Variants in LMBRD2 observed in about 807,000 individuals in gnomAD.
LMBRD2 encodes LMBR1 domain containing 2.
A neutral mutation model predicts 94.4 loss-of-function variants in LMBRD2; 55 were observed. The observed-to-expected ratio is 0.58, with a 90% CI of 0.47 to 0.73. LMBRD2 has a LOEUF of 0.73. LMBRD2 is among the 30% of genes least tolerant of loss of function. LMBRD2 has a pLI of 0.00. For missense variants in LMBRD2, 640 were observed against 831.9 expected (o/e 0.77, Z 2.84); for synonymous variants, 246 against 272.4 (o/e 0.90, Z 0.95).
Position 36,143,256 on chromosome 5 carries a change from T to A in LMBRD2, c.94A>T (p.Arg32Ter), listed in dbSNP as rs1744460664. The A allele has an allele frequency of 6.2e-7, 1 of 1,612,532 alleles. No homozygotes were observed. ...HRYGDFKKQHRLVIIGTLLAW... is the reference protein window; with the variant it reads ...HRYGDFKKQH ...AGCAGTGTTCCAATAATCACAAGTC[T>A]ATGCTGTTTCTTAAAGTCTCCATAT... The change falls in exon 2 of 18, where the codon AGA (arginine) becomes TGA (stop). Residue 32 changes from arginine (R) to a stop codon, truncating the protein, a stop_gained. Coordinates refer to ENST00000296603, the MANE Select transcript of LMBRD2 (RefSeq NM_001007527.2). LOFTEE classifies it high-confidence loss of function.
chr5:36,106,508 C>CTTTTTTTTTTT (rs201602814), intron 16 of LMBRD2, among the ~76,000 whole-genome samples: 1 of 132,868 alleles, frequency 7.5e-6, no homozygotes, highest in Non-Finnish European at 1.6e-5. Flanking sequence ...TTTTTTCTTT[C>CTTTTTTTTTTT]GTTTTTTTTT....
intron 6 of LMBRD2, among the ~76,000 whole-genome samples, chr5:36,127,411 A>G (rs1744032197): frequency 6.6e-6 from 1 of 152,204 alleles, no homozygotes. Flanking sequence ...CATAAAAACC[A>G]AAAAACAAGG....
intron 12 of LMBRD2, among the ~76,000 whole-genome samples, chr5:36,114,768 T>G (rs1743699047): frequency 6.6e-6 from 1 of 152,154 alleles, no homozygotes; most frequent in African/African-American, 2.4e-5. Context: ...AAAGTTAATA[T>G]TAGTATAGGT....
intron 13 of LMBRD2, among the ~76,000 whole-genome samples, chr5:36,112,365 T>C (rs532182533): frequency 2.0e-5 from 3 of 152,240 alleles, no homozygotes; most frequent in Admixed American, 2.0e-4. Flanking sequence ...TTGTCTGAAG[T>C]ATCAGGAAAC....
At chr5:36,126,045 G>A (rs958536637) in intron 6 of LMBRD2, among the ~76,000 whole-genome samples, 1 of 152,204 alleles carries the variant, frequency 6.6e-6, no homozygotes, top group Non-Finnish European at 1.5e-5. Context: ...CAGGCTGAAA[G>A]AGCAAGATCA....
At chr5:36,150,607 A>G (rs996133075) in intron 1 of LMBRD2, among the ~76,000 whole-genome samples, 1 of 152,218 alleles carries the variant, frequency 6.6e-6, no homozygotes, top group Non-Finnish European at 1.5e-5. Flanking sequence ...AAAGTAACAT[A>G]AAGGTCACTT....
At chr5:36,114,870 A>G (rs1454101303) in intron 12 of LMBRD2, 145 bp downstream of exon 12, 8 of 622,412 alleles carry the variant, frequency 1.3e-5, no homozygotes, top group Non-Finnish European at 2.2e-5. Context: ...TTATCTAGTC[A>G]ATAGTAATAC....
chr5:36,142,565 T>C lies in LMBRD2; in HGVS notation c.209A>G (p.Asn70Ser), dbSNP rs757267487. ...IYNRCKHAAA[N>S]SSPPENSNIT... ...GTTGCTATTCTCAGGAGGGCTTGAA[T>C]TTGCAGCAGCATGCTTGCACCGGTT... is the stretch of plus-strand genomic sequence containing the variant. Residue 70 changes from asparagine to serine, a missense_variant, in exon 3 of 18, where the codon AAT (asparagine) becomes AGT (serine). Transcript: ENST00000296603. The C allele has an allele frequency of 4.3e-6, 7 of 1,611,522 alleles. No individual in the cohort carries two copies. Among genetic ancestry groups the C allele is most frequent in the Admixed American group, 1.7e-5 (1 of 59,994 alleles).
chr5:36,119,908 A>G (rs1005331799), intron 9 of LMBRD2, among the ~76,000 whole-genome samples: 1 of 152,062 alleles, frequency 6.6e-6, no homozygotes, highest in Non-Finnish European at 1.5e-5. Context: ...ATTGTTCACT[A>G]TTTCCCACCA....
chr5:36,146,041 A>G (rs572659397), intron 1 of LMBRD2, among the ~76,000 whole-genome samples: 25 of 152,334 alleles, frequency 1.6e-4, no homozygotes, highest in African/African-American at 5.1e-4. Flanking sequence ...TTTTTTTACT[A>G]TGGCACTCTG....
In LMBRD2 at chr5:36,142,450, A is replaced by T. The variant is rs1452533270; in HGVS notation, c.272+52T>A. ...TGGATGGTAAAAACTTTCAATTTTT[A>T]AACAATGTGTCCCCTACAATGTTTA... On this transcript the variant is annotated intron_variant, in intron 3 of 17. Transcript: ENST00000296603. 1.9e-5 allele frequency: 20 copies of T among 1,058,712 alleles called. No individual in the cohort carries two copies. In the East Asian group the frequency reaches 4.6e-4, roughly 24 times the overall value. The allele number at this position is 1,058,712 out of a possible 1,614,324, so 65.6% of individuals were successfully genotyped here.
intron 6 of LMBRD2, among the ~76,000 whole-genome samples, chr5:36,131,919 C>G (rs1200902085): frequency 6.6e-6 from 1 of 152,066 alleles, no homozygotes; most frequent in Non-Finnish European, 1.5e-5. Context: ...TCGATGCAAT[C>G]TCTATCAAAA....
intron 1 of LMBRD2, among the ~76,000 whole-genome samples, chr5:36,148,404 G>A (rs915045174): frequency 1.3e-5 from 2 of 152,126 alleles, no homozygotes; most frequent in African/African-American, 4.8e-5. Context: ...AGAAGAGGTA[G>A]CAATCATGTA....
chr5:36,132,632 A>C (rs466057), intron 6 of LMBRD2, among the ~76,000 whole-genome samples: 7,747 of 148,682 alleles, frequency 0.052, 694 homozygotes, highest in African/African-American at 0.18. Flanking sequence ...TTTAATAATA[A>C]GATTAAAAAT....
At chr5:36,116,418 AATG>A in intron 11 of LMBRD2, 39 bp downstream of exon 11, 1 of 1,575,166 alleles carries the variant, frequency 6.3e-7, no homozygotes, top group South Asian at 1.1e-5. Flanking sequence ...GAATACACTC[AATG>A]ATGACATTTC....
intron 17 of LMBRD2, 145 bp downstream of exon 17, chr5:36,104,923 T>G: frequency 1.4e-6 from 1 of 719,672 alleles, no homozygotes; most frequent in East Asian, 2.8e-5. Context: ...AATATATTTT[T>G]TATTGTTAGT....
Position 36,105,063 on chromosome 5 carries a change from C to T in LMBRD2, c.2027+5G>A, listed in dbSNP as rs1205577332. ...TAGAGCTAAAATGTCACAGCCAGAA[C>T]TTACCTTCCTGATTCAGATTCAAGA... On this transcript the variant is annotated splice_donor_5th_base_variant and intron_variant, in intron 17 of 17. Coordinates refer to ENST00000296603, the MANE Select transcript of LMBRD2 (RefSeq NM_001007527.2). 8.7e-6 allele frequency: 14 copies of T among 1,611,456 alleles called. No individual in the cohort carries two copies. The highest frequency in any genetic ancestry group is 1.2e-5 in the Non-Finnish European group (14 of 1,178,520).
chr5:36,130,529 C>G (rs777387535), intron 6 of LMBRD2, among the ~76,000 whole-genome samples: 2 of 152,018 alleles, frequency 1.3e-5, no homozygotes, highest in Non-Finnish European at 2.9e-5. Flanking sequence ...AAGAATATCA[C>G]AAAACAACCA....
intron 1 of LMBRD2, among the ~76,000 whole-genome samples, chr5:36,148,678 C>T (rs868515333): frequency 6.6e-6 from 1 of 152,048 alleles, no homozygotes. Context: ...AGAAAAAAAA[C>T]AGTGCAGAGA....
Sources: gnomAD v4.1 joint callset for allele counts (sites outside exome capture counted in the v4.1 genomes callset) on GRCh38, gnomAD v4.1.1 for gene constraint, MANE v1.5 for transcripts, NCBI Gene and HGNC (gene_info 2026-07-23, HGNC 2026-07-21) for gene names.